DSCAM: variants seen among roughly 807,000 people sequenced by gnomAD.
DSCAM encodes the protein cell adhesion molecule DSCAM.
Under a neutral mutation model 217.7 loss-of-function variants are expected in DSCAM, and 47 were observed. The observed-to-expected ratio is 0.22, with a 90% CI of 0.17 to 0.28. The LOEUF (loss-of-function observed/expected upper bound fraction) is 0.28. Ranked by LOEUF, DSCAM falls within the 10% of genes least tolerant of loss-of-function variation. DSCAM has a pLI of 1.00. For synonymous variants in DSCAM, 1,056 were observed against 1,015.3 expected, an observed-to-expected ratio of 1.04 and a Z score of -0.76; for missense variants, 2,080 against 2,618.3, an observed-to-expected ratio of 0.79 and a Z score of 4.49.
chr21:40,229,186 T>C (rs1194198133), intron 11 of DSCAM, among the ~76,000 whole-genome samples: 1 of 152,220 alleles, frequency 6.6e-6, no homozygotes. Context: ...TGTTTAGGTA[T>C]AGTTCTTTTT....
At chr21:40,439,987 C>T (rs1196153276) in intron 3 of DSCAM, among the ~76,000 whole-genome samples, 1 of 152,194 alleles carries the variant, frequency 6.6e-6, no homozygotes, top group Non-Finnish European at 1.5e-5. Flanking sequence ...ATGCTCTGTG[C>T]CTCAGTCCAA....
At chr21:40,069,678 C>T (rs1453134372) in intron 27 of DSCAM, among the ~76,000 whole-genome samples, 2 of 152,136 alleles carry the variant, frequency 1.3e-5, no homozygotes. Context: ...AGATTTTGAC[C>T]TTATATTACC....
intron 3 of DSCAM, among the ~76,000 whole-genome samples, chr21:40,441,207 T>A (rs2075627307): frequency 6.6e-6 from 1 of 152,150 alleles, no homozygotes; most frequent in Non-Finnish European, 1.5e-5. Flanking sequence ...GGATCATCTT[T>A]CTTGAGAGCC....
chr21:40,028,558 A>G (rs9984303), intron 32 of DSCAM, among the ~76,000 whole-genome samples: 129,175 of 151,770 alleles, frequency 0.85, 55,035 homozygotes, highest in Middle Eastern at 0.92. Flanking sequence ...GTGGTGCGCC[A>G]TGTTTTAAGC....
Position 40,532,442 on chromosome 21 carries a change from A to G in DSCAM, c.508+160368T>C, listed in dbSNP as rs1199361796. Reference sequence around the variant, plus strand: ...CAACATGAATGTTCTAGACACATGGAAGGCAAGCAAAAAACAACACATAAA... The same window carrying G: ...CAACATGAATGTTCTAGACACATGGGAGGCAAGCAAAAAACAACACATAAA... On this transcript the variant is annotated intron_variant, in intron 3 of 32. Coordinates refer to ENST00000400454, the MANE Select transcript of DSCAM (RefSeq NM_001389.5). 7.2e-5 allele frequency among the ~76,000 whole-genome samples: 11 copies of G among 152,206 alleles called. No homozygotes were observed. In the East Asian group the frequency reaches 1.7e-3, roughly 24 times the overall value.
In DSCAM at chr21:40,323,670, TTCTC is replaced by T. The variant is rs760377047; in HGVS notation, c.1784-11315_1784-11312del. 7.9e-5 allele frequency among the ~76,000 whole-genome samples: 12 copies of T among 152,352 alleles called. No individual in the cohort carries two copies. In the East Asian group the frequency reaches 1.9e-3, roughly 24 times the overall value. On this transcript the variant is annotated intron_variant, in intron 8 of 32. Transcript: ENST00000400454. ...AGTGTTCTGAGCAAAAATTCAGTTTTTCTCTCTAATAATTGGAATATATCAGGAA... is the reference window on the plus strand; with the variant it reads ...AGTGTTCTGAGCAAAAATTCAGTTTTTCTAATAATTGGAATATATCAGGAA...
chr21:40,251,602 T>C (rs1315047897), intron 11 of DSCAM, among the ~76,000 whole-genome samples: 1 of 152,098 alleles, frequency 6.6e-6, no homozygotes, highest in Admixed American at 6.5e-5. Flanking sequence ...TGTTGGGAGC[T>C]GACAGTTCCT....
At chr21:40,790,639 AGG>A (rs1187511589) in intron 1 of DSCAM, among the ~76,000 whole-genome samples, 1 of 152,120 alleles carries the variant, frequency 6.6e-6, no homozygotes. Context: ...GTGTGTTATG[AGG>A]GTGTGTGTGC....
At chr21:40,758,516 CAAA>C (rs3071030) in intron 1 of DSCAM, among the ~76,000 whole-genome samples, 3 of 103,038 alleles carry the variant, frequency 2.9e-5, no homozygotes, top group African/African-American at 7.7e-5. Context: ...GACTCTGTCT[CAAA>C]AAAAAAAAAA....
chr21:40,393,584 A>G (rs1360821756), intron 3 of DSCAM, among the ~76,000 whole-genome samples: 2 of 152,222 alleles, frequency 1.3e-5, no homozygotes, highest in African/African-American at 4.8e-5. Context: ...TGAAAAATAA[A>G]AACTAGAAAG....
At chr21:40,703,912 G>A (rs973658884) in intron 2 of DSCAM, among the ~76,000 whole-genome samples, 5 of 151,926 alleles carry the variant, frequency 3.3e-5, no homozygotes, top group African/African-American at 9.7e-5. Context: ...TAGAGCAGTT[G>A]TAGGTTTAGA....
At chr21:40,708,810 A>G in intron 1 of DSCAM, 39 bp from the exon 2 acceptor site, 1 of 1,374,164 alleles carries the variant, frequency 7.3e-7, no homozygotes, top group Non-Finnish European at 9.6e-7. Flanking sequence ...GGTGAGTAAA[A>G]CATGCCTTTG....
intron 8 of DSCAM, 128 bp downstream of exon 8, chr21:40,337,973 T>TTCTC (rs369424249): frequency 8.5e-7 from 1 of 1,181,300 alleles, no homozygotes; most frequent in African/African-American, 1.9e-5. Flanking sequence ...TTCCCTGTCA[T>TTCTC]TCTTCAGCCT....
chr21:40,041,822 G>C (rs1433826188), intron 32 of DSCAM, among the ~76,000 whole-genome samples: 1 of 152,158 alleles, frequency 6.6e-6, no homozygotes, highest in African/African-American at 2.4e-5. Context: ...CAGTGTGGCA[G>C]TTTTAAAATA....
intron 3 of DSCAM, among the ~76,000 whole-genome samples, chr21:40,564,959 G>A (rs1419465440): frequency 1.3e-5 from 2 of 152,182 alleles, no homozygotes; most frequent in African/African-American, 4.8e-5. Context: ...AAGAGGCCCA[G>A]GTGGGATGGG....
At chr21:40,792,300 G>A (rs1054143064) in intron 1 of DSCAM, among the ~76,000 whole-genome samples, 2 of 151,876 alleles carry the variant, frequency 1.3e-5, no homozygotes, top group African/African-American at 4.8e-5. Context: ...CACCACGCCT[G>A]GCTAATTTTT....
intron 3 of DSCAM, among the ~76,000 whole-genome samples, chr21:40,692,269 C>T (rs1285929216): frequency 6.6e-6 from 1 of 152,150 alleles, no homozygotes; most frequent in Non-Finnish European, 1.5e-5. Flanking sequence ...TAAATTTTGT[C>T]TTTTCTACAC....
intron 3 of DSCAM, among the ~76,000 whole-genome samples, chr21:40,568,930 T>C (rs1351713777): frequency 6.6e-6 from 1 of 152,194 alleles, no homozygotes; most frequent in Non-Finnish European, 1.5e-5. Flanking sequence ...CATATTCCCA[T>C]GGGCCTCAGC....
chr21:40,523,039 C>T (rs2076371856), intron 3 of DSCAM, among the ~76,000 whole-genome samples: 1 of 152,132 alleles, frequency 6.6e-6, no homozygotes, highest in Non-Finnish European at 1.5e-5. Flanking sequence ...ATTTTGTTGA[C>T]CTTGGAGAAA....
Sources: gnomAD v4.1 joint callset for allele counts (sites outside exome capture counted in the v4.1 genomes callset) on GRCh38, gnomAD v4.1.1 for gene constraint, MANE v1.5 for transcripts, NCBI Gene and HGNC (gene_info 2026-07-23, HGNC 2026-07-21) for gene names.